Variants in CDC42BPA observed in about 807,000 individuals in gnomAD.
CDC42BPA encodes the protein serine/threonine-protein kinase MRCK alpha.
In CDC42BPA, 80 loss-of-function variants were observed where a neutral mutation model predicts 223.5. That is an observed-to-expected ratio of 0.36 (90% confidence interval 0.30 to 0.43). The LOEUF is 0.43. Ranked by LOEUF, CDC42BPA falls within the 20% of genes least tolerant of loss-of-function variation. The pLI is 1.00. For missense variants in CDC42BPA, 1,743 were observed against 2,099.9 expected (o/e 0.83, Z 3.32); for synonymous variants, 694 against 718.6 (o/e 0.97, Z 0.55).
At chr1:227,240,139 T>C (rs538701021) in intron 2 of CDC42BPA, among the ~76,000 whole-genome samples, 18 of 152,182 alleles carry the variant, frequency 1.2e-4, no homozygotes, top group Admixed American at 2.6e-4. Flanking sequence ...ATTAGCAGCA[T>C]AGTGTTTGAA....
At chr1:227,135,651 G>A (rs1445523884) in intron 10 of CDC42BPA, among the ~76,000 whole-genome samples, 1 of 151,914 alleles carries the variant, frequency 6.6e-6, no homozygotes, top group East Asian at 1.9e-4. Flanking sequence ...TCAGGAGATC[G>A]AGACTATCCT....
chr1:227,008,029 G>A (rs1176284855), intron 34 of CDC42BPA, among the ~76,000 whole-genome samples: 1 of 152,126 alleles, frequency 6.6e-6, no homozygotes, highest in Non-Finnish European at 1.5e-5. Context: ...GTTATAAGCA[G>A]GCATATGGTT....
At chr1:227,135,315 G>C (rs1261757840) in intron 10 of CDC42BPA, among the ~76,000 whole-genome samples, 1 of 152,188 alleles carries the variant, frequency 6.6e-6, no homozygotes, top group East Asian at 1.9e-4. Flanking sequence ...AAGTCAGACA[G>C]AAATCTCCGA....
intron 16 of CDC42BPA, among the ~76,000 whole-genome samples, chr1:227,085,468 T>C (rs1377244942): frequency 6.6e-6 from 1 of 152,256 alleles, no homozygotes; most frequent in African/African-American, 2.4e-5. Context: ...TTGCCAACTC[T>C]CAATTCTAAG....
chr1:227,315,052 A>G (rs1694142479), intron 1 of CDC42BPA, among the ~76,000 whole-genome samples: 1 of 152,062 alleles, frequency 6.6e-6, no homozygotes, highest in African/African-American at 2.4e-5. Flanking sequence ...CAATTCTTAA[A>G]TAGACTGGCA....
chr1:227,007,796 T>C (rs1034313101), intron 34 of CDC42BPA, among the ~76,000 whole-genome samples: 1 of 152,264 alleles, frequency 6.6e-6, no homozygotes, highest in Non-Finnish European at 1.5e-5. Flanking sequence ...TGACTTATGC[T>C]ATTTAACGTT....
At chr1:227,175,885 T>C (rs1666869831) in intron 5 of CDC42BPA, among the ~76,000 whole-genome samples, 1 of 152,172 alleles carries the variant, frequency 6.6e-6, no homozygotes, top group African/African-American at 2.4e-5. Context: ...AATCTGTCAA[T>C]AGGGATGCTC....
chr1:227,045,537 C>G (rs1386614006), intron 23 of CDC42BPA, among the ~76,000 whole-genome samples: 2 of 152,140 alleles, frequency 1.3e-5, no homozygotes, highest in Non-Finnish European at 2.9e-5. Flanking sequence ...CTTTTACTTA[C>G]TTGATAATTT....
intron 4 of CDC42BPA, among the ~76,000 whole-genome samples, chr1:227,196,477 C>T (rs1572280665): frequency 6.6e-6 from 1 of 151,528 alleles, no homozygotes; most frequent in Non-Finnish European, 1.5e-5. Flanking sequence ...GTACCTGGGA[C>T]TACAGGCGCC....
At chr1:227,087,148 A>G (rs1682125987) in intron 16 of CDC42BPA, among the ~76,000 whole-genome samples, 1 of 152,050 alleles carries the variant, frequency 6.6e-6, no homozygotes, top group South Asian at 2.1e-4. Context: ...TTATCTTGAC[A>G]TTTTTAACCC....
intron 6 of CDC42BPA, among the ~76,000 whole-genome samples, chr1:227,149,630 T>C (rs569219235): frequency 3.9e-5 from 6 of 152,120 alleles, no homozygotes; most frequent in African/African-American, 1.4e-4. Context: ...GAAATGAAAA[T>C]AGTCACTGAA....
chr1:227,055,890 T>TC (rs1279219705), intron 21 of CDC42BPA, among the ~76,000 whole-genome samples: 1 of 151,498 alleles, frequency 6.6e-6, no homozygotes, highest in Non-Finnish European at 1.5e-5. Flanking sequence ...TACTTAATGC[T>TC]CTGTTAAAAA....
chr1:227,097,462 C>G (rs977460497), intron 15 of CDC42BPA, among the ~76,000 whole-genome samples: 1 of 152,154 alleles, frequency 6.6e-6, no homozygotes, highest in Non-Finnish European at 1.5e-5. Flanking sequence ...GGCAGTCAGG[C>G]AGACATAAGC....
At chr1:227,275,812 C>T (rs1226406063) in intron 1 of CDC42BPA, among the ~76,000 whole-genome samples, 4 of 152,208 alleles carry the variant, frequency 2.6e-5, no homozygotes, top group African/African-American at 4.8e-5. Context: ...CCATGTTCGC[C>T]GGGCTGGTCT....
chr1:227,093,776 A>G (rs1266239411), intron 15 of CDC42BPA, among the ~76,000 whole-genome samples: 1 of 152,168 alleles, frequency 6.6e-6, no homozygotes, highest in Non-Finnish European at 1.5e-5. Flanking sequence ...ACCTTGGCCC[A>G]AATAAACTCT....
chr1:227,249,093 G>C (rs1467139561), intron 2 of CDC42BPA, among the ~76,000 whole-genome samples: 1 of 152,096 alleles, frequency 6.6e-6, no homozygotes, highest in Non-Finnish European at 1.5e-5. Context: ...CAGACACATA[G>C]ATTAATGAAA....
At chr1:227,038,878 T>C (rs1670829971) in intron 24 of CDC42BPA, among the ~76,000 whole-genome samples, 1 of 152,132 alleles carries the variant, frequency 6.6e-6, no homozygotes, top group South Asian at 2.1e-4. Flanking sequence ...ATGGCAATAG[T>C]TTTTTGGGAT....
intron 1 of CDC42BPA, among the ~76,000 whole-genome samples, chr1:227,255,586 C>T (rs72757334): frequency 1.4e-4 from 21 of 152,216 alleles, no homozygotes; most frequent in East Asian, 5.8e-4. Flanking sequence ...CCCAGGTATT[C>T]GAGGCTGCAA....
At chr1:227,270,576 GA>G (rs1386536275) in intron 1 of CDC42BPA, among the ~76,000 whole-genome samples, 2 of 152,054 alleles carry the variant, frequency 1.3e-5, no homozygotes. Flanking sequence ...TTATTTTGTG[GA>G]AAAAATACAT....
Sources: gnomAD v4.1 joint callset for allele counts (sites outside exome capture counted in the v4.1 genomes callset) on GRCh38, gnomAD v4.1.1 for gene constraint, MANE v1.5 for transcripts, NCBI Gene and HGNC (gene_info 2026-07-23, HGNC 2026-07-21) for gene names.